TRPM3: variants seen among roughly 807,000 people sequenced by gnomAD.
The protein encoded by TRPM3 is long transient receptor potential channel 3.
In TRPM3, 77 loss-of-function variants were observed where a neutral mutation model predicts 181.2. The ratio of observed to expected loss-of-function variants is 0.42; its 90% CI spans 0.35 to 0.51. The LOEUF is 0.51. Among genes scored for constraint, TRPM3 ranks in the 20% least tolerant of loss-of-function variants. TRPM3 has a pLI of 0.01. For synonymous variants in TRPM3, 745 were observed against 796.4 expected (o/e 0.94, Z 1.09); for missense variants, 1,759 against 2,196.7 (o/e 0.80, Z 3.98).
At chr9:71,418,199 T>A (rs1179687299) in intron 1 of TRPM3, among the ~76,000 whole-genome samples, 2 of 151,844 alleles carry the variant, frequency 1.3e-5, no homozygotes, top group Admixed American at 1.3e-4. Flanking sequence ...GCAATGGGAA[T>A]CTCCTTGTGC....
chr9:71,218,731 A>C (rs995286946), intron 1 of TRPM3, among the ~76,000 whole-genome samples: 4 of 152,244 alleles, frequency 2.6e-5, no homozygotes, highest in Admixed American at 2.6e-4. Context: ...CCTAAAGAGC[A>C]AAAATATTAT....
At chr9:70,789,036 C>T (rs935063167) in intron 6 of TRPM3, among the ~76,000 whole-genome samples, 1 of 152,118 alleles carries the variant, frequency 6.6e-6, no homozygotes, top group African/African-American at 2.4e-5. Context: ...AGGATATCAC[C>T]CCCACTCTCT....
chr9:71,133,963 CTGTGTGTGTTTGTGTGTGTG>C (rs1474993969), intron 1 of TRPM3, among the ~76,000 whole-genome samples: 15 of 131,900 alleles, frequency 1.1e-4, no homozygotes, highest in South Asian at 2.6e-4. Context: ...ACTATCTAAA[CTGTGTGTGTTTGTGTGTGTG>C]TGTGTGTGTG....
chr9:70,778,858 A>T (rs1413375316), intron 7 of TRPM3, among the ~76,000 whole-genome samples: 1 of 152,156 alleles, frequency 6.6e-6, no homozygotes, highest in African/African-American at 2.4e-5. Flanking sequence ...GCACAGAATG[A>T]CAGGCCCTAG....
At chr9:71,106,860 C>T (rs1390560236) in intron 1 of TRPM3, among the ~76,000 whole-genome samples, 2 of 152,018 alleles carry the variant, frequency 1.3e-5, no homozygotes, top group African/African-American at 4.8e-5. Flanking sequence ...AATGAGTTTG[C>T]CAGGGGGTAC....
intron 8 of TRPM3, among the ~76,000 whole-genome samples, chr9:70,755,131 C>T (rs2076832200): frequency 6.6e-6 from 1 of 152,030 alleles, no homozygotes. Flanking sequence ...TTCTTAAGAA[C>T]ACACAGGCCA....
At chr9:71,127,485 G>A (rs1213116803) in intron 1 of TRPM3, among the ~76,000 whole-genome samples, 1 of 152,116 alleles carries the variant, frequency 6.6e-6, no homozygotes, top group East Asian at 1.9e-4. Flanking sequence ...TGGAAGTCAG[G>A]CAGACTCTAT....
chr9:71,193,278 T>C (rs1230916451), intron 1 of TRPM3, among the ~76,000 whole-genome samples: 1 of 151,786 alleles, frequency 6.6e-6, no homozygotes, highest in African/African-American at 2.4e-5. Context: ...TTTAAGGTCT[T>C]CCACCTCCTT....
At chr9:71,439,189 A>G (rs1005396236) in intron 1 of TRPM3, among the ~76,000 whole-genome samples, 4 of 152,214 alleles carry the variant, frequency 2.6e-5, no homozygotes, top group African/African-American at 4.8e-5. Flanking sequence ...AAGCATTTTC[A>G]AAACCAGCCC....
rs558872090 is a variant in TRPM3, at chr9:70,965,369, C to G, written c.178-100858G>C. On this transcript the variant is annotated intron_variant, in intron 1 of 25. Transcript: ENST00000677713. ...TAGAACTGTTGCATTTTATCCCCCC[C>G]TTTTTGAACAAAAATGATTTTGAAG... Among the ~76,000 whole-genome samples the G allele has an allele frequency of 4.6e-5, 7 of 152,152 alleles. No individual in the cohort carries two copies. In the East Asian group the frequency reaches 1.2e-3, roughly 25 times the overall value.
intron 1 of TRPM3, among the ~76,000 whole-genome samples, chr9:71,091,281 T>C (rs1565174674): frequency 6.6e-6 from 1 of 152,170 alleles, no homozygotes; most frequent in Non-Finnish European, 1.5e-5. Flanking sequence ...GGTGGTTATC[T>C]ATTTTTCTGC....
At chr9:71,248,797 TGAG>T (rs1469457388) in intron 1 of TRPM3, among the ~76,000 whole-genome samples, 68 of 152,286 alleles carry the variant, frequency 4.5e-4, no homozygotes, top group African/African-American at 1.5e-3. Flanking sequence ...TCAACCTCCC[TGAG>T]CATCATGATC....
chr9:71,151,069 T>A (rs575346271), intron 1 of TRPM3, among the ~76,000 whole-genome samples: 1 of 152,252 alleles, frequency 6.6e-6, no homozygotes, highest in African/African-American at 2.4e-5. Context: ...TAAATACCAG[T>A]TAAAAACACT....
At chr9:71,027,011 G>T (rs1007834945) in intron 1 of TRPM3, among the ~76,000 whole-genome samples, 5 of 152,142 alleles carry the variant, frequency 3.3e-5, no homozygotes, top group African/African-American at 1.2e-4. Context: ...ATGCAAACAA[G>T]GATGAATCCT....
intron 1 of TRPM3, among the ~76,000 whole-genome samples, chr9:71,246,469 G>A (rs1350168244): frequency 2.6e-5 from 4 of 152,026 alleles, no homozygotes; most frequent in East Asian, 1.9e-4. Context: ...ACATGGTTCC[G>A]GAAAATGAGA....
intron 25 of TRPM3, 121 bp from the exon 26 acceptor site, chr9:70,537,526 A>G: frequency 2.4e-6 from 2 of 832,950 alleles, no homozygotes; most frequent in Non-Finnish European, 3.3e-6. Context: ...AAGACAGGTT[A>G]CAGGTGTTGA....
chr9:71,354,622 C>T (rs2091818099), intron 1 of TRPM3, among the ~76,000 whole-genome samples: 1 of 152,214 alleles, frequency 6.6e-6, no homozygotes, highest in South Asian at 2.1e-4. Flanking sequence ...TCAACTTACA[C>T]AGAATCATTA....
intron 22 of TRPM3, among the ~76,000 whole-genome samples, chr9:70,569,868 T>C (rs1418941300): frequency 6.6e-6 from 1 of 152,148 alleles, no homozygotes; most frequent in Non-Finnish European, 1.5e-5. Flanking sequence ...AATACAAAAA[T>C]GTAAAAAATA....
At chr9:70,786,054 T>C (rs2083512299) in intron 6 of TRPM3, among the ~76,000 whole-genome samples, 11 of 152,078 alleles carry the variant, frequency 7.2e-5, no homozygotes, top group Admixed American at 6.5e-4. Context: ...CAGGAGCCCT[T>C]AGTGACTCAA....
Sources: gnomAD v4.1 joint callset for allele counts (sites outside exome capture counted in the v4.1 genomes callset) on GRCh38, gnomAD v4.1.1 for gene constraint, MANE v1.5 for transcripts, NCBI Gene and HGNC (gene_info 2026-07-23, HGNC 2026-07-21) for gene names.